Variants in PIAS4 observed in about 807,000 individuals in gnomAD.
PIAS4 encodes the protein protein inhibitor of activated STAT 4.
A neutral mutation model predicts 58.0 loss-of-function variants in PIAS4; 7 were observed. That is an observed-to-expected ratio of 0.12 (90% CI 0.07 to 0.23). PIAS4 has a LOEUF of 0.23. Ranked by LOEUF, PIAS4 falls within the 10% of genes least tolerant of loss-of-function variation. The pLI is 1.00. For synonymous variants in PIAS4, 364 were observed against 312.4 expected, an observed-to-expected ratio of 1.17 and a Z score of -1.74; for missense variants, 550 against 709.5, an observed-to-expected ratio of 0.78 and a Z score of 2.55.
intron 1 of PIAS4, among the ~76,000 whole-genome samples, chr19:4,008,019 C>G (rs1376004966): frequency 6.6e-6 from 1 of 151,394 alleles, no homozygotes; most frequent in Non-Finnish European, 1.5e-5. Flanking sequence ...GGTCGCTCCC[C>G]CGGCTTCAGG....
At chr19:4,023,365 C>T (rs1252450395) in intron 2 of PIAS4, among the ~76,000 whole-genome samples, 2 of 152,022 alleles carry the variant, frequency 1.3e-5, no homozygotes, top group Admixed American at 6.6e-5. Context: ...GAGGTTGAGG[C>T]AGGAGAATCG....
intron 9 of PIAS4, among the ~76,000 whole-genome samples, chr19:4,036,365 A>G (rs1046519948): frequency 4.0e-5 from 5 of 124,808 alleles, no homozygotes; most frequent in African/African-American, 8.0e-5. Flanking sequence ...ACATCTATAC[A>G]GTCCACACCG....
intron 3 of PIAS4, 63 bp downstream of exon 3, chr19:4,024,183 ACTGGG>A: frequency 2.4e-6 from 3 of 1,255,298 alleles, no homozygotes; most frequent in East Asian, 2.3e-5. Flanking sequence ...TCCTGGGCTC[ACTGGG>A]GAGAGCCGGC....
At chr19:4,014,166 C>T (rs933779320) in intron 2 of PIAS4, among the ~76,000 whole-genome samples, 35 of 152,132 alleles carry the variant, frequency 2.3e-4, no homozygotes, top group African/African-American at 8.2e-4. Context: ...GGGTTCAGGG[C>T]GATCCCAGGC....
chr19:4,028,020 C>T (rs1273865905), intron 3 of PIAS4, 126 bp from the exon 4 acceptor site: 2 of 922,518 alleles, frequency 2.2e-6, no homozygotes, highest in Non-Finnish European at 3.6e-6. Context: ...TCCTGGGCCT[C>T]AGTTTCCCAG....
At chr19:4,009,837 A>G (rs921345052) in intron 1 of PIAS4, among the ~76,000 whole-genome samples, 3 of 152,098 alleles carry the variant, frequency 2.0e-5, no homozygotes, top group African/African-American at 7.2e-5. Context: ...GAACTTTGAA[A>G]TCTGAGACTC....
chr19:4,035,817 A>C (rs1468225504), intron 9 of PIAS4, among the ~76,000 whole-genome samples: 29 of 151,336 alleles, frequency 1.9e-4, no homozygotes, highest in South Asian at 6.3e-4. Flanking sequence ...ACACATCCAT[A>C]CAGTCCACAC....
intron 9 of PIAS4, among the ~76,000 whole-genome samples, chr19:4,036,810 C>CATGCACACACACATCT (rs2040299942): frequency 6.7e-6 from 1 of 149,144 alleles, no homozygotes; most frequent in African/African-American, 2.4e-5. Context: ...CACACCGTCA[C>CATGCACACACACATCT]ATATCTGTAC....
rs955710543 is a variant in PIAS4 at position 4,013,145 on chromosome 19, C to A, written c.250C>A (p.Leu84Met). Residue 84 changes from leucine (L) to methionine (M), a missense_variant, in exon 2 of 11, where the codon CTG becomes ATG. Around this residue, in one of 4 missense-constraint regions of PIAS4, gnomAD observed 95 missense variants for 87.5 expected, o/e 1.09. Coordinates refer to ENST00000262971, the MANE Select transcript of PIAS4 (RefSeq NM_015897.4). This position sits in a 1 kb window ranked among gnomAD's most constrained non-coding sequence, Gnocchi z 5.1. ...ACAGCCGCACCGGCCCCTGGACCCC[C>A]TGACCATGCACTCCACCTACGACCG... ...APQPHRPLDP[L>M]TMHSTYDRAG... The A allele has an allele frequency of 6.2e-7, 1 of 1,613,506 alleles. No homozygotes were observed. The highest frequency in any genetic ancestry group is 1.1e-5 in the South Asian group (1 of 91,088).
chr19:4,017,449 G>A (rs2040063512), intron 2 of PIAS4, among the ~76,000 whole-genome samples: 1 of 152,104 alleles, frequency 6.6e-6, no homozygotes, highest in East Asian at 1.9e-4. Flanking sequence ...CCTAGCCAGG[G>A]GCACCTGTTC....
intron 2 of PIAS4, among the ~76,000 whole-genome samples, chr19:4,017,132 C>T (rs758571193): frequency 2.6e-5 from 4 of 152,176 alleles, no homozygotes; most frequent in Admixed American, 6.5e-5. Flanking sequence ...CCACTCAGCC[C>T]GCTGGCACTT....
intron 7 of PIAS4, among the ~76,000 whole-genome samples, 157 bp from the exon 8 acceptor site, chr19:4,032,943 A>G (rs73918113): frequency 0.054 from 8,207 of 152,206 alleles, 736 homozygotes; most frequent in African/African-American, 0.19. Context: ...GGCTTTCTCC[A>G]ATCCCTCACG....
intron 2 of PIAS4, among the ~76,000 whole-genome samples, chr19:4,020,918 G>A (rs1022307370): frequency 6.6e-6 from 1 of 152,172 alleles, no homozygotes; most frequent in African/African-American, 2.4e-5. Flanking sequence ...TTCTTTGAAC[G>A]CATGTTTCCA....
At chr19:4,033,026 A>C in intron 7 of PIAS4, 74 bp from the exon 8 acceptor site, 2 of 1,196,022 alleles carry the variant, frequency 1.7e-6, no homozygotes, top group Non-Finnish European at 2.5e-6. Context: ...TCAGTGCCGG[A>C]GAGAACTCGA....
chr19:4,030,363 TAA>T (rs1416422946), intron 7 of PIAS4, among the ~76,000 whole-genome samples: 2,863 of 148,462 alleles, frequency 0.019, 5 homozygotes, highest in Middle Eastern at 0.034. Flanking sequence ...CTCACACCTG[TAA>T]TCCCAGCACT....
At chr19:4,035,626 G>A (rs2040266662) in intron 9 of PIAS4, among the ~76,000 whole-genome samples, 1 of 152,052 alleles carries the variant, frequency 6.6e-6, no homozygotes, top group Non-Finnish European at 1.5e-5. Flanking sequence ...CTCTGCAGGG[G>A]CTTTGAGCAG....
chr19:4,014,402 G>T (rs573430522), intron 2 of PIAS4, among the ~76,000 whole-genome samples: 1 of 152,144 alleles, frequency 6.6e-6, no homozygotes, highest in African/African-American at 2.4e-5. Flanking sequence ...CGCAGCCCCA[G>T]CCCCCAGGGC....
rs1568223765 is a variant in PIAS4, at chr19:4,037,825, CG to C, written c.1485del (p.Lys497SerfsTer96). On this transcript the variant is annotated frameshift_variant, in exon 11 of 11. Transcript: ENST00000262971. LOFTEE classifies it high-confidence loss of function. This position sits in a 1 kb window ranked among gnomAD's most constrained non-coding sequence, Gnocchi z 5.8. The stretch of plus-strand genomic sequence containing the variant: ...GGAAGACGAGGACGAAGAGGGGCCC[CG>C]GCCCAAGCGCCGCTGCCCCTTCCAG... Reference protein sequence around the residue: ...EEEDEDEEGPRPKRRCPFQKG... With the variant: ...EEEDEDEEGPXPKRRCPFQKG... 1 of 1,574,014 alleles carries C rather than the reference CG, an allele frequency of 6.4e-7. No individual in the cohort carries two copies. Among genetic ancestry groups the C allele is most frequent in the African/African-American group, 1.3e-5 (1 of 74,408 alleles).
At position 4,010,983 on chromosome 19, in the gene PIAS4, A is replaced by G. The variant is rs1011864801; in HGVS notation, c.28-1940A>G. On this transcript the variant is annotated intron_variant, in intron 1 of 10. Transcript: ENST00000262971. The stretch of plus-strand genomic sequence containing the variant: ...GCCCGATACAGCTGGAAGAAATCAG[A>G]GCTGACAGATGAGGACCCGACAGTG... Among the ~76,000 whole-genome samples the G allele has an allele frequency of 5.3e-5, 8 of 152,300 alleles. No individual in the cohort carries two copies. In the East Asian group the frequency reaches 1.5e-3, roughly 29 times the overall value.
Sources: gnomAD v4.1 joint callset for allele counts (sites outside exome capture counted in the v4.1 genomes callset) on GRCh38, gnomAD v4.1.1 for gene constraint, gnomAD v4.1.1 regional missense constraint, Gnocchi (gnomAD v3.1) non-coding constraint, MANE v1.5 for transcripts, NCBI Gene and HGNC (gene_info 2026-07-23, HGNC 2026-07-21) for gene names.